The following LPP variants were observed in gnomAD, a reference collection of about 807,000 sequenced individuals.
LPP encodes LIM domain containing preferred translocation partner in lipoma.
A neutral mutation model predicts 60.4 loss-of-function variants in LPP; 38 were observed. That is an observed-to-expected ratio of 0.63 (90% CI 0.49 to 0.83). The LOEUF is 0.83. Ranked by LOEUF, LPP falls within the 40% of genes least tolerant of loss-of-function variation. LPP has a pLI of 0.00. For synonymous variants in LPP, 328 were observed against 290.8 expected (o/e 1.13, Z -1.30); for missense variants, 902 against 783.6 (o/e 1.15, Z -1.80).
chr3:188,530,928 A>G (rs890265338), intron 6 of LPP, among the ~76,000 whole-genome samples: 6 of 152,170 alleles, frequency 3.9e-5, no homozygotes, highest in South Asian at 2.1e-4. Flanking sequence ...AATTCTGTCT[A>G]TTTCTTAGAA....
At chr3:188,527,407 G>A (rs912432666) in intron 6 of LPP, among the ~76,000 whole-genome samples, 31 of 150,966 alleles carry the variant, frequency 2.1e-4, no homozygotes, top group Admixed American at 5.9e-4. Flanking sequence ...TACAGACAGC[G>A]TGTAGACACG....
rs184157803 is a variant in LPP, at chr3:188,889,581, T to C, written c.*15102T>C. ...TCTTGGTGTCCTCTTGGTCATAAAG[T>C]TGTCTCCTACCTAACCCAGTTTTAC... On this transcript the variant is annotated 3_prime_UTR_variant, in exon 12 of 12. Coordinates refer to ENST00000617246, the MANE Select transcript of LPP (RefSeq NM_001375462.1). The C allele has an allele frequency of 8.8e-5, 20 of 228,232 alleles. No individual in the cohort carries two copies. The highest frequency in any genetic ancestry group is 3.1e-4 in the African/African-American group (14 of 45,210). The allele number at this position is 228,232 out of a possible 1,614,324, so 14.1% of individuals were successfully genotyped here.
chr3:188,183,254 C>T (rs1238593541), intron 1 of LPP, among the ~76,000 whole-genome samples: 1 of 152,162 alleles, frequency 6.6e-6, no homozygotes, highest in African/African-American at 2.4e-5. Context: ...TCCCCCTCCA[C>T]CTTTGCCCAC....
intron 2 of LPP, among the ~76,000 whole-genome samples, chr3:188,325,866 G>T (rs1317072881): frequency 1.3e-5 from 2 of 152,158 alleles, no homozygotes; most frequent in African/African-American, 2.4e-5. Flanking sequence ...GGATTTTTGT[G>T]CAGGAAGTGT....
At chr3:188,747,680 A>G (rs1726698562) in intron 8 of LPP, among the ~76,000 whole-genome samples, 1 of 152,222 alleles carries the variant, frequency 6.6e-6, no homozygotes, top group Non-Finnish European at 1.5e-5. Flanking sequence ...AAAGTAATAC[A>G]CTAATCACTT....
At chr3:188,200,185 T>G (rs1730676206) in intron 1 of LPP, among the ~76,000 whole-genome samples, 1 of 152,098 alleles carries the variant, frequency 6.6e-6, no homozygotes, top group Non-Finnish European at 1.5e-5. Flanking sequence ...TTCTGTATAA[T>G]TTAACAGGAA....
chr3:188,383,942 A>G (rs1777529588), intron 3 of LPP, among the ~76,000 whole-genome samples: 1 of 152,160 alleles, frequency 6.6e-6, no homozygotes, highest in Non-Finnish European at 1.5e-5. Flanking sequence ...AAGAGACGTT[A>G]ATCATTGATA....
chr3:188,209,281 G>C lies in LPP; in HGVS notation c.-189-16124G>C, dbSNP rs147675204. Among the ~76,000 whole-genome samples the C allele has an allele frequency of 1.8e-4, 28 of 152,284 alleles. No homozygotes were observed. In the East Asian group the frequency reaches 2.5e-3, roughly 14 times the overall value. On this transcript the variant is annotated intron_variant, in intron 1 of 11. Transcript: ENST00000617246. ...TATAATACTACCTCCTGGGATAGTT[G>C]TTGGAAGGGATTCAATGAGACTGGG...
At chr3:188,750,349 A>C (rs140583549) in intron 8 of LPP, among the ~76,000 whole-genome samples, 1 of 152,320 alleles carries the variant, frequency 6.6e-6, no homozygotes, top group East Asian at 1.9e-4. Flanking sequence ...TTACTATCCA[A>C]GCCAGGTGTG....
chr3:188,806,447 A>G (rs1051038834), intron 9 of LPP, among the ~76,000 whole-genome samples: 1 of 151,872 alleles, frequency 6.6e-6, no homozygotes, highest in Admixed American at 6.6e-5. Context: ...CAATGTCTAT[A>G]TAATTGAAGT....
At chr3:188,662,714 A>T (rs1240974928) in intron 7 of LPP, among the ~76,000 whole-genome samples, 1 of 152,226 alleles carries the variant, frequency 6.6e-6, no homozygotes, top group African/African-American at 2.4e-5. Flanking sequence ...AGGCACAAAA[A>T]TTAAAGCTAT....
At chr3:188,741,112 T>C (rs1724241472) in intron 8 of LPP, among the ~76,000 whole-genome samples, 1 of 150,704 alleles carries the variant, frequency 6.6e-6, no homozygotes, top group Non-Finnish European at 1.5e-5. Context: ...AGAGAGAAAA[T>C]GAGTAAAGGA....
chr3:188,600,290 T>G (rs1840871719), intron 6 of LPP, among the ~76,000 whole-genome samples: 1 of 149,426 alleles, frequency 6.7e-6, no homozygotes, highest in African/African-American at 2.4e-5. Context: ...TATATATTTC[T>G]TCCTTTGAGT....
At chr3:188,587,953 G>T (rs1000880869) in intron 6 of LPP, among the ~76,000 whole-genome samples, 2 of 152,134 alleles carry the variant, frequency 1.3e-5, no homozygotes, top group African/African-American at 4.8e-5. Flanking sequence ...CTTAATGAAT[G>T]GAAAGTCATG....
At chr3:188,681,763 A>AT (rs1859573900) in intron 7 of LPP, among the ~76,000 whole-genome samples, 1 of 152,162 alleles carries the variant, frequency 6.6e-6, no homozygotes, top group Non-Finnish European at 1.5e-5. Flanking sequence ...CTTTTACGCC[A>AT]TTTTTCTATA....
At chr3:188,738,787 G>A (rs1723402683) in intron 8 of LPP, among the ~76,000 whole-genome samples, 1 of 152,112 alleles carries the variant, frequency 6.6e-6, no homozygotes, top group Non-Finnish European at 1.5e-5. Flanking sequence ...TTTGACATCA[G>A]CAAGATGTAA....
chr3:188,433,891 A>T (rs1264570591), intron 4 of LPP, among the ~76,000 whole-genome samples: 1 of 152,160 alleles, frequency 6.6e-6, no homozygotes, highest in Non-Finnish European at 1.5e-5. Context: ...AGAGAGAAAG[A>T]GGCAAAGAGT....
At chr3:188,599,751 G>GAGGGGGGTGTGTGTGT (rs1553938530) in intron 6 of LPP, among the ~76,000 whole-genome samples, 20 of 139,826 alleles carry the variant, frequency 1.4e-4, no homozygotes, top group African/African-American at 5.4e-4. Context: ...ACTCGTTAGG[G>GAGGGGGGTGTGTGTGT]GTGTGTGTGT....
intron 7 of LPP, among the ~76,000 whole-genome samples, chr3:188,677,341 A>T (rs557865370): frequency 6.6e-6 from 1 of 152,302 alleles, no homozygotes; most frequent in South Asian, 2.1e-4. Flanking sequence ...TACTAAGTGA[A>T]TGTGACTTGT....
Sources: allele counts gnomAD v4.1 joint callset (sites outside exome capture counted in the v4.1 genomes callset), GRCh38; gene constraint gnomAD v4.1.1; transcripts MANE v1.5; gene names NCBI Gene and HGNC (gene_info 2026-07-23, HGNC 2026-07-21).